The following NF1 variants were observed in gnomAD, a reference collection of about 807,000 sequenced individuals.
NF1 encodes neurofibromin 1.
In NF1, 122 loss-of-function variants were observed where a neutral mutation model predicts 325.7. The observed-to-expected ratio is 0.37, with a 90% CI of 0.32 to 0.44. The LOEUF is 0.44. NF1 is among the 20% of genes least tolerant of loss of function. NF1 has a pLI of 1.00. For missense variants in NF1, 2,140 were observed against 3,415.4 expected, an observed-to-expected ratio of 0.63 and a Z score of 9.31; for synonymous variants, 1,091 against 1,186.0, an observed-to-expected ratio of 0.92 and a Z score of 1.65.
intron 1 of NF1, chr17:31,138,603 T>G (rs1915964461): frequency 6.6e-6 from 1 of 151,736 alleles, no homozygotes; most frequent in Admixed American, 6.6e-5. Context: ...TTAGTTTTTT[T>G]TTTTTTTTGA....
intron 1 of NF1, among the ~76,000 whole-genome samples, chr17:31,154,382 T>TC (rs1917173724): frequency 1.3e-5 from 2 of 152,052 alleles, no homozygotes; most frequent in Admixed American, 1.3e-4. Flanking sequence ...ATGGGATACT[T>TC]AGGGAGATTC....
chr17:31,306,808 A>G (rs1211168456), intron 36 of NF1, among the ~76,000 whole-genome samples: 4 of 151,846 alleles, frequency 2.6e-5, no homozygotes, highest in Non-Finnish European at 5.9e-5. Flanking sequence ...AAAAAAAAAA[A>G]AAAAAGATAG....
intron 57 of NF1, 53 bp downstream of exon 57, chr17:31,360,756 A>G (rs1479711493): frequency 3.4e-6 from 5 of 1,464,208 alleles, no homozygotes; most frequent in Non-Finnish European, 3.8e-6. Context: ...AGACACCAAC[A>G]TTAGGAATTC....
intron 31 of NF1, among the ~76,000 whole-genome samples, chr17:31,258,007 T>C (rs1251021397): frequency 6.6e-6 from 1 of 152,116 alleles, no homozygotes; most frequent in African/African-American, 2.4e-5. Context: ...TGATCATCTT[T>C]GTGTGAAAAA....
At chr17:31,235,460 A>C (rs1033120640) in intron 27 of NF1, 151 bp from the exon 28 acceptor site, 7 of 793,644 alleles carry the variant, frequency 8.8e-6, no homozygotes, top group African/African-American at 5.0e-5. Context: ...GTACACTGTT[A>C]AATCTCAGGA....
intron 12 of NF1, among the ~76,000 whole-genome samples, chr17:31,207,862 A>C (rs1267350286): frequency 6.6e-6 from 1 of 152,188 alleles, no homozygotes; most frequent in Non-Finnish European, 1.5e-5. Context: ...TAAGTTTACT[A>C]CCTTTTCTGG....
intron 25 of NF1, 138 bp from the exon 26 acceptor site, chr17:31,232,562 T>C (rs551683052): frequency 1.2e-6 from 1 of 824,258 alleles, no homozygotes; most frequent in South Asian, 1.5e-5. Context: ...CCACCCTGGC[T>C]GATTATCGCG....
intron 1 of NF1, among the ~76,000 whole-genome samples, chr17:31,138,770 G>A (rs1005324867): frequency 3.3e-5 from 5 of 149,276 alleles, no homozygotes; most frequent in African/African-American, 1.2e-4. Flanking sequence ...TTTTAGTAGA[G>A]ACGGGGTTTC....
intron 36 of NF1, among the ~76,000 whole-genome samples, chr17:31,281,008 G>A (rs1465143211): frequency 6.6e-6 from 1 of 152,120 alleles, no homozygotes; most frequent in Non-Finnish European, 1.5e-5. Context: ...ACTATGAAAT[G>A]CCTGTTTCAT....
chr17:31,307,389 G>T (rs1597804057), intron 36 of NF1, among the ~76,000 whole-genome samples: 1 of 152,118 alleles, frequency 6.6e-6, no homozygotes, highest in Non-Finnish European at 1.5e-5. Flanking sequence ...AACCTAGCCT[G>T]GAAAGGCTTC....
intron 36 of NF1, chr17:31,319,026 G>C: frequency 6.3e-7 from 1 of 1,581,266 alleles, no homozygotes; most frequent in Non-Finnish European, 8.5e-7. Flanking sequence ...TTGGCAATCT[G>C]TTGGGATAGC....
At chr17:31,298,349 C>T (rs147386049) in intron 36 of NF1, among the ~76,000 whole-genome samples, 3 of 152,106 alleles carry the variant, frequency 2.0e-5, no homozygotes, top group Non-Finnish European at 2.9e-5. Context: ...AATAAAGTTA[C>T]GGTATTTTCG....
intron 51 of NF1, chr17:31,356,147 T>G: frequency 3.4e-6 from 1 of 296,898 alleles, no homozygotes; most frequent in Non-Finnish European, 6.5e-6. Flanking sequence ...TACCATTGCA[T>G]TTATTATCAG....
intron 1 of NF1, among the ~76,000 whole-genome samples, chr17:31,122,241 G>A (rs1384337042): frequency 1.3e-5 from 2 of 152,136 alleles, no homozygotes; most frequent in African/African-American, 4.8e-5. Flanking sequence ...CATGAGATTT[G>A]TTTAGGAGAT....
chr17:31,337,703 C>G, intron 43 of NF1, 116 bp from the exon 44 acceptor site: 1 of 1,379,292 alleles, frequency 7.3e-7, no homozygotes, highest in Non-Finnish European at 1.0e-6. Context: ...AATAAAAACA[C>G]TTGCATGGAC....
intron 8 of NF1, among the ~76,000 whole-genome samples, chr17:31,186,382 A>G (rs1015377433): frequency 6.6e-5 from 10 of 152,206 alleles, no homozygotes; most frequent in Admixed American, 6.5e-5. Flanking sequence ...CCTTTCTAGG[A>G]CATCCCTGAA....
chr17:31,327,285 T>C (rs1171785419), intron 37 of NF1, among the ~76,000 whole-genome samples: 1 of 152,150 alleles, frequency 6.6e-6, no homozygotes, highest in African/African-American at 2.4e-5. Context: ...TTGACCTTTT[T>C]AAAAAGGAAA....
At chr17:31,176,941 T>C (rs2066033987) in intron 5 of NF1, among the ~76,000 whole-genome samples, 1 of 152,208 alleles carries the variant, frequency 6.6e-6, no homozygotes, top group East Asian at 1.9e-4. Flanking sequence ...GGTAGTGTGA[T>C]TCCTCCAGCT....
At chr17:31,320,872 T>C (rs1329655539) in intron 36 of NF1, 1 of 165,042 alleles carries the variant, frequency 6.1e-6, no homozygotes, top group Non-Finnish European at 1.3e-5. Context: ...GCTAGAATGA[T>C]TTAAAGTAGA....
Sources: allele counts gnomAD v4.1 joint callset (sites outside exome capture counted in the v4.1 genomes callset), GRCh38; gene constraint gnomAD v4.1.1; transcripts MANE v1.5; gene names NCBI Gene and HGNC (gene_info 2026-07-23, HGNC 2026-07-21).